The following KDM3B variants were observed in gnomAD, a reference collection of about 807,000 sequenced individuals.
KDM3B encodes the protein lysine demethylase 3B.
KDM3B carries 10 observed loss-of-function variants against 170.0 expected under a neutral mutation model. The observed-to-expected ratio is 0.06, with a 90% CI of 0.04 to 0.10. KDM3B has a LOEUF of 0.10. KDM3B is among the 10% of genes least tolerant of loss of function. The pLI, the probability that KDM3B is intolerant of heterozygous loss-of-function variation, is 1.00. For missense variants in KDM3B, 1,394 were observed against 2,195.2 expected, an observed-to-expected ratio of 0.64 and a Z score of 7.29; for synonymous variants, 831 against 834.8, an observed-to-expected ratio of 1.00 and a Z score of 0.08.
At chr5:138,421,867 C>T (rs933305142) in intron 15 of KDM3B, among the ~76,000 whole-genome samples, 21 of 152,246 alleles carry the variant, frequency 1.4e-4, no homozygotes, top group African/African-American at 5.1e-4. Flanking sequence ...GGCCATAGCC[C>T]TATCTGTTCA....
At chr5:138,407,757 C>T (rs766619487) in intron 11 of KDM3B, among the ~76,000 whole-genome samples, 5 of 152,156 alleles carry the variant, frequency 3.3e-5, no homozygotes, top group South Asian at 2.1e-4. Context: ...ACTCTTAGAT[C>T]GGCCCCAGGA....
At chr5:138,399,495 G>A (rs531577288) in intron 10 of KDM3B, among the ~76,000 whole-genome samples, 11 of 151,848 alleles carry the variant, frequency 7.2e-5, no homozygotes, top group African/African-American at 1.4e-4. Context: ...CCAAGATCGC[G>A]CCACTGCACT....
chr5:138,364,457 A>G (rs147793469), intron 1 of KDM3B, among the ~76,000 whole-genome samples: 3 of 152,110 alleles, frequency 2.0e-5, no homozygotes, highest in Admixed American at 6.6e-5. Flanking sequence ...GGCTTCATCT[A>G]TAATGCCATG....
intron 11 of KDM3B, among the ~76,000 whole-genome samples, chr5:138,407,523 A>G (rs1762853526): frequency 6.6e-6 from 1 of 152,156 alleles, no homozygotes; most frequent in Admixed American, 6.5e-5. Context: ...GTCCGTGTCC[A>G]AAATTTTCCT....
At chr5:138,425,721 C>A in intron 17 of KDM3B, 139 bp downstream of exon 17, 2 of 795,596 alleles carry the variant, frequency 2.5e-6, no homozygotes, top group Non-Finnish European at 3.8e-6. Context: ...AAATTAAAAA[C>A]AGACAGCCGG....
chr5:138,425,715 TA>T, intron 17 of KDM3B, 133 bp downstream of exon 17: 1 of 839,978 alleles, frequency 1.2e-6, no homozygotes, highest in Non-Finnish European at 1.8e-6. Context: ...AATAAAAAAT[TA>T]AAAACAGACA....
chr5:138,431,338 G>GT (rs1262679316), intron 22 of KDM3B, 87 bp from the exon 23 acceptor site: 79 of 1,138,614 alleles, frequency 6.9e-5, no homozygotes, highest in Middle Eastern at 4.1e-4. Flanking sequence ...TTTCTCAAGG[G>GT]TTTTTTTAAC....
intron 20 of KDM3B, 27 bp from the exon 21 acceptor site, chr5:138,429,799 T>C (rs963807284): frequency 1.2e-6 from 2 of 1,611,844 alleles, no homozygotes; most frequent in Non-Finnish European, 1.7e-6. Context: ...GCTGACTACA[T>C]TGAAAGTGTC....
intron 1 of KDM3B, among the ~76,000 whole-genome samples, chr5:138,364,604 A>T (rs990343109): frequency 6.6e-6 from 1 of 152,078 alleles, no homozygotes; most frequent in Non-Finnish European, 1.5e-5. Context: ...AAAAAAAGTC[A>T]TGCCAGTTTT....
intron 17 of KDM3B, among the ~76,000 whole-genome samples, chr5:138,426,218 G>T (rs1000620615): frequency 1.3e-5 from 2 of 152,070 alleles, no homozygotes; most frequent in Admixed American, 1.3e-4. Flanking sequence ...CACTAAAGTA[G>T]CAAGTGAGGA....
intron 17 of KDM3B, chr5:138,426,772 T>C: frequency 2.2e-6 from 1 of 463,698 alleles, no homozygotes. Flanking sequence ...TTGCCTGTAA[T>C]CCCAGCTACT....
chr5:138,379,557 C>T (rs1051555536), intron 4 of KDM3B, 27 bp from the exon 5 acceptor site: 1 of 1,590,030 alleles, frequency 6.3e-7, no homozygotes, highest in Non-Finnish European at 8.5e-7. Flanking sequence ...GCCAAAAATA[C>T]TCAATACTGA....
At chr5:138,413,638 G>GT (rs1236888583) in intron 11 of KDM3B, among the ~76,000 whole-genome samples, 5 of 151,794 alleles carry the variant, frequency 3.3e-5, no homozygotes, top group African/African-American at 7.3e-5. Context: ...TTATTTTTTT[G>GT]TTTTTTTGTT....
intron 1 of KDM3B, among the ~76,000 whole-genome samples, chr5:138,356,516 A>G (rs1761451443): frequency 6.6e-6 from 1 of 151,606 alleles, no homozygotes; most frequent in Non-Finnish European, 1.5e-5. Flanking sequence ...TTACTTATGG[A>G]TATCTTTTGC....
intron 3 of KDM3B, among the ~76,000 whole-genome samples, chr5:138,376,038 T>C (rs1761991036): frequency 6.6e-6 from 1 of 151,988 alleles, no homozygotes; most frequent in Non-Finnish European, 1.5e-5. Flanking sequence ...GTGCAGTGGC[T>C]CCATCTCGCC....
intron 1 of KDM3B, among the ~76,000 whole-genome samples, chr5:138,364,150 A>G (rs562539401): frequency 3.3e-5 from 5 of 151,896 alleles, no homozygotes; most frequent in South Asian, 2.1e-4. Context: ...ACTCCTGACC[A>G]TAAGTGATCT....
chr5:138,377,447 G>T (rs77115010), intron 3 of KDM3B, among the ~76,000 whole-genome samples: 2 of 76,786 alleles, frequency 2.6e-5, no homozygotes. Flanking sequence ...ACAAGAGACA[G>T]GGTCTTGTTC....
intron 3 of KDM3B, among the ~76,000 whole-genome samples, chr5:138,375,523 G>A (rs954491715): frequency 6.8e-6 from 1 of 146,282 alleles, no homozygotes; most frequent in Non-Finnish European, 1.5e-5. Context: ...GACTACAGGC[G>A]CCTGCCACAA....
chr5:138,431,436 A>G lies in KDM3B; in HGVS notation c.5082A>G (p.Leu1694=). 3 of 1,608,864 alleles carry G rather than the reference A, an allele frequency of 1.9e-6. No individual in the cohort carries two copies. The highest frequency in any genetic ancestry group is 2.5e-6 in the Non-Finnish European group (3 of 1,177,836). ...PAGAPHQVHN[L]YSCIKVAEDF... is the part of the protein sequence containing the mutation. ...TTTGCCCTTCTCAGGTTCACAATCT[A>G]TACAGTTGCATAAAAGTAGCAGAAG... is the stretch of plus-strand genomic sequence containing the variant. The change falls in exon 23 of 24, where the codon CTA becomes CTG. Residue 1694 remains leucine (L), a synonymous_variant. Coordinates refer to ENST00000314358, the MANE Select transcript of KDM3B (RefSeq NM_016604.4).
Sources: allele counts gnomAD v4.1 joint callset (sites outside exome capture counted in the v4.1 genomes callset), GRCh38; gene constraint gnomAD v4.1.1; transcripts MANE v1.5; gene names NCBI Gene and HGNC (gene_info 2026-07-23, HGNC 2026-07-21).